Variants in CYYR1 observed in about 807,000 individuals in gnomAD.
CYYR1 encodes cysteine and tyrosine rich 1, also known as cysteine and tyrosine-rich protein 1.
CYYR1 carries 14 observed loss-of-function variants against 15.2 expected under a neutral mutation model. That is an observed-to-expected ratio of 0.92 (90% CI 0.61 to 1.44). The LOEUF (loss-of-function observed/expected upper bound fraction) is 1.44. Ranked by LOEUF, CYYR1 falls within the 40% of genes most tolerant of loss-of-function variation. The pLI, the probability that CYYR1 is intolerant of heterozygous loss-of-function variation, is 0.00. For synonymous variants in CYYR1, 80 were observed against 77.4 expected (o/e 1.03, Z -0.18); for missense variants, 228 against 209.5 (o/e 1.09, Z -0.54).
Position 26,573,164 on chromosome 21 carries a change from G to C in CYYR1, c.-224C>G. 1.3e-6 allele frequency: 2 copies of C among 1,484,024 alleles called. No homozygotes were observed. The highest frequency in any genetic ancestry group is 2.5e-5 in the South Asian group (2 of 81,466). The allele number at this position is 1,484,024 out of a possible 1,614,324, so 91.9% of individuals were successfully genotyped here. On this transcript the variant is annotated 5_prime_UTR_variant, in exon 1 of 4. Coordinates refer to ENST00000652641, the MANE Select transcript of CYYR1 (RefSeq NM_001320768.2). The stretch of plus-strand genomic sequence containing the variant: ...CTGGGGCGCCCGTGGCCCGAGACGG[G>C]CTGCGCTGGGGGCCCAGGTCTCTTT...
intron 2 of CYYR1, among the ~76,000 whole-genome samples, chr21:26,505,970 G>A (rs1410100863): frequency 6.6e-6 from 1 of 152,096 alleles, no homozygotes; most frequent in African/African-American, 2.4e-5. Flanking sequence ...ATTCACAGCA[G>A]TACAATATAT....
chr21:26,504,403 T>C (rs1032471853), intron 2 of CYYR1, among the ~76,000 whole-genome samples: 2 of 152,056 alleles, frequency 1.3e-5, no homozygotes, highest in African/African-American at 4.8e-5. Context: ...CCTGAGTAGC[T>C]GGGATTACAG....
intron 2 of CYYR1, among the ~76,000 whole-genome samples, chr21:26,545,131 T>G (rs1322842483): frequency 6.6e-6 from 1 of 152,118 alleles, no homozygotes; most frequent in Non-Finnish European, 1.5e-5. Flanking sequence ...TTGACAAACA[T>G]ATTACTTTTT....
At chr21:26,496,027 G>A (rs973671340) in intron 2 of CYYR1, among the ~76,000 whole-genome samples, 2 of 152,146 alleles carry the variant, frequency 1.3e-5, no homozygotes, top group Admixed American at 1.3e-4. Context: ...ATTTTGTCTT[G>A]GAGTGAAGGC....
At chr21:26,489,536 A>G (rs1050538093) in intron 2 of CYYR1, among the ~76,000 whole-genome samples, 1 of 151,928 alleles carries the variant, frequency 6.6e-6, no homozygotes, top group Admixed American at 6.6e-5. Context: ...AGTTTTCTGT[A>G]AGGTTTTATA....
At chr21:26,526,542 C>T (rs1180112567) in intron 2 of CYYR1, among the ~76,000 whole-genome samples, 2 of 152,026 alleles carry the variant, frequency 1.3e-5, no homozygotes, top group South Asian at 2.1e-4. Context: ...AGAAGCTATT[C>T]CATGTTAAGA....
At chr21:26,548,375 T>C (rs1294392099) in intron 2 of CYYR1, among the ~76,000 whole-genome samples, 1 of 152,186 alleles carries the variant, frequency 6.6e-6, no homozygotes, top group African/African-American at 2.4e-5. Context: ...AGAGACAGGG[T>C]TGTGCTCTGT....
chr21:26,546,092 G>C (rs573546521), intron 2 of CYYR1, among the ~76,000 whole-genome samples: 1 of 152,138 alleles, frequency 6.6e-6, no homozygotes, highest in Non-Finnish European at 1.5e-5. Context: ...TCCAAACAGA[G>C]AAGAGAAAGA....
Position 26,531,384 on chromosome 21 carries a change from C to T in CYYR1, c.176+34882G>A, listed in dbSNP as rs530187496. Reference sequence around the variant, plus strand: ...TGACTTATATGGTTTGGCTCTGTGTCCCCACCCAAATCTCATGTCAAACTA... The same window carrying T: ...TGACTTATATGGTTTGGCTCTGTGTTCCCACCCAAATCTCATGTCAAACTA... On this transcript the variant is annotated intron_variant, in intron 2 of 3. Transcript: ENST00000652641. Among the ~76,000 whole-genome samples, 3 of 152,224 alleles carry T rather than the reference C, an allele frequency of 2.0e-5. No homozygotes were observed. The East Asian group carries it at 5.8e-4, about 29-fold the overall frequency.
At chr21:26,496,188 A>G (rs2065400709) in intron 2 of CYYR1, among the ~76,000 whole-genome samples, 1 of 152,212 alleles carries the variant, frequency 6.6e-6, no homozygotes, top group Non-Finnish European at 1.5e-5. Context: ...TAGTGCTAAT[A>G]CGTAGCTAGA....
intron 3 of CYYR1, chr21:26,477,967 A>G: frequency 2.1e-6 from 3 of 1,439,888 alleles, no homozygotes; most frequent in South Asian, 1.6e-5. Flanking sequence ...GGTGAAACTT[A>G]AAGTCAATTC....
At chr21:26,476,809 G>A (rs1430143884) in intron 3 of CYYR1, among the ~76,000 whole-genome samples, 1 of 151,832 alleles carries the variant, frequency 6.6e-6, no homozygotes, top group Admixed American at 6.6e-5. Flanking sequence ...TTTCAGATGT[G>A]TATATCCCAA....
At chr21:26,544,997 A>G (rs1440142275) in intron 2 of CYYR1, among the ~76,000 whole-genome samples, 2 of 152,022 alleles carry the variant, frequency 1.3e-5, no homozygotes, top group African/African-American at 4.8e-5. Context: ...TTGAGTATAA[A>G]ATGACATGTA....
Position 26,554,994 on chromosome 21 carries a change from CA to C in CYYR1, c.176+11271del, listed in dbSNP as rs894666724. 6.6e-5 allele frequency among the ~76,000 whole-genome samples: 10 copies of C among 152,112 alleles called. No homozygotes were observed. The East Asian group carries it at 1.2e-3, about 18-fold the overall frequency. ...TGCTTCTTTGTATAAATATATATGT[CA>C]GGGGGGCAAGTTACTATTCCCTGTC... On this transcript the variant is annotated intron_variant, in intron 2 of 3. Transcript: ENST00000652641.
intron 2 of CYYR1, among the ~76,000 whole-genome samples, chr21:26,547,798 T>G (rs1365566382): frequency 6.6e-6 from 1 of 152,144 alleles, no homozygotes; most frequent in Non-Finnish European, 1.5e-5. Flanking sequence ...TTTTTTCTTT[T>G]TTTGGCTCCC....
At chr21:26,550,261 G>C (rs770247386) in intron 2 of CYYR1, 2 of 152,214 alleles carry the variant, frequency 1.3e-5, no homozygotes, top group African/African-American at 4.8e-5. Context: ...GATAAATGTT[G>C]TGTGTGTTCT....
chr21:26,481,293 G>A (rs2065176929), intron 2 of CYYR1, among the ~76,000 whole-genome samples: 1 of 152,036 alleles, frequency 6.6e-6, no homozygotes, highest in Non-Finnish European at 1.5e-5. Context: ...TAACAAGGAT[G>A]TTCATCACAG....
chr21:26,567,266 TA>T (rs1601841080), intron 1 of CYYR1, among the ~76,000 whole-genome samples: 1 of 152,226 alleles, frequency 6.6e-6, no homozygotes, highest in East Asian at 1.9e-4. Context: ...GATGATTGGT[TA>T]TAGGAAGAAA....
chr21:26,562,573 G>A (rs1980277080), intron 2 of CYYR1, among the ~76,000 whole-genome samples: 1 of 151,988 alleles, frequency 6.6e-6, no homozygotes, highest in Non-Finnish European at 1.5e-5. Flanking sequence ...TTTCTCAACT[G>A]GATCATTTCC....
Sources: gnomAD v4.1 joint callset for allele counts (sites outside exome capture counted in the v4.1 genomes callset) on GRCh38, gnomAD v4.1.1 for gene constraint, MANE v1.5 for transcripts, NCBI Gene and HGNC (gene_info 2026-07-23, HGNC 2026-07-21) for gene names.